The following SATL1 variants were observed in gnomAD, a reference collection of about 807,000 sequenced individuals.
SATL1 encodes spermidine/spermine N1-acetyl transferase like 1.
In SATL1, 47 loss-of-function variants were observed where a neutral mutation model predicts 51.8. That is an observed-to-expected ratio of 0.91 (90% confidence interval 0.72 to 1.16). The LOEUF (loss-of-function observed/expected upper bound fraction) is 1.16, where lower values mean the gene tolerates loss of function less well. Ranked by LOEUF, SATL1 falls within the 50% of genes most tolerant of loss-of-function variation. The probability of loss-of-function intolerance (pLI) is 0.00; values close to 1 mark genes in which losing one functional copy is unlikely to be tolerated. For missense variants in SATL1, 520 were observed against 526.4 expected (o/e 0.99, Z 0.12); for synonymous variants, 176 against 182.4 (o/e 0.97, Z 0.28).
At chrX:85,161,976 G>A (rs964277557) in intron 2 of SATL1, among the ~76,000 whole-genome samples, 1 of 111,914 alleles carries the variant, frequency 8.9e-6, no homozygotes, top group Non-Finnish European at 1.9e-5. Context: ...TCAGACCACA[G>A]TATGATAAAA....
At chrX:85,154,383 C>T (rs770832101) in intron 2 of SATL1, among the ~76,000 whole-genome samples, 1 of 111,823 alleles carries the variant, frequency 8.9e-6, no homozygotes, top group East Asian at 2.8e-4. Context: ...GGGTAAATCT[C>T]TTCACATCAT....
intron 2 of SATL1, among the ~76,000 whole-genome samples, chrX:85,195,298 G>A (rs2147747026): frequency 9.0e-6 from 1 of 111,281 alleles, no homozygotes; most frequent in South Asian, 3.8e-4. Flanking sequence ...GTGGAGTGGT[G>A]GAGGACAGAA....
At chrX:85,178,655 A>C (rs1046633728) in intron 2 of SATL1, among the ~76,000 whole-genome samples, 1 of 110,481 alleles carries the variant, frequency 9.1e-6, no homozygotes, top group Non-Finnish European at 1.9e-5. Flanking sequence ...AACAAAAAAA[A>C]ACAAAAAAAC....
chrX:85,191,328 C>A (rs1468037700), intron 2 of SATL1, among the ~76,000 whole-genome samples: 1 of 111,399 alleles, frequency 9.0e-6, no homozygotes, highest in Non-Finnish European at 1.9e-5. Flanking sequence ...TGTATATGAT[C>A]AAATCAGGGT....
chrX:85,236,780 T>C (rs755518885), intron 1 of SATL1, among the ~76,000 whole-genome samples: 25 of 111,477 alleles, frequency 2.2e-4, no homozygotes, highest in Admixed American at 2.2e-3. Context: ...ATATGGAACA[T>C]GACAAGGATG....
intron 2 of SATL1, among the ~76,000 whole-genome samples, chrX:85,121,450 T>A (rs1925506213): frequency 9.6e-6 from 1 of 104,213 alleles, no homozygotes; most frequent in Non-Finnish European, 1.9e-5. Context: ...AGTATATATA[T>A]AAATATATAT....
intron 3 of SATL1, 99 bp from the exon 4 acceptor site, chrX:85,104,014 C>T (rs1396171232): frequency 4.9e-6 from 3 of 608,214 alleles, no homozygotes; most frequent in African/African-American, 4.5e-5. Context: ...TGACATGTGA[C>T]GTCCTGGGCA....
In SATL1 at chrX:85,204,954, T is replaced by C. The variant is rs753538507; in HGVS notation, c.-313+19251A>G. On this transcript the variant is annotated intron_variant, in intron 2 of 7. Transcript: ENST00000644105. ...TAGTTTGAGTAACAAATTGTGTTTC[T>C]TGTTCTTATTCTTCTTATGAGGGCA... is the stretch of plus-strand genomic sequence containing the variant. Among the ~76,000 whole-genome samples the C allele has an allele frequency of 8.3e-4, 93 of 112,361 alleles. 1 individual carries two copies. The highest frequency in any genetic ancestry group is 2.9e-3 in the African/African-American group (90 of 30,949).
rs192661549 is a variant in SATL1 at position 85,125,765 on chromosome X, C to A, written c.-312-16485G>T. ...TTAAATATATATATATATAGCCAAT[C>A]CATTATTGAATCATTCAATTAAAAT... is the stretch of plus-strand genomic sequence containing the variant. On this transcript the variant is annotated intron_variant, in intron 2 of 7. Transcript: ENST00000644105. Among the ~76,000 whole-genome samples the A allele has an allele frequency of 4.4e-3, 484 of 109,182 alleles. 3 individuals carry two copies. Among genetic ancestry groups the A allele is most frequent in the African/African-American group, 0.015 (463 of 30,118 alleles). 94.8% of individuals were successfully genotyped at this position (109,182 alleles called of 115,157 possible).
chrX:85,238,701 T>C (rs1569252757), intron 1 of SATL1, among the ~76,000 whole-genome samples: 1 of 111,096 alleles, frequency 9.0e-6, no homozygotes, highest in South Asian at 3.8e-4. Context: ...CATTTAGAAA[T>C]AACTAAAAGA....
At chrX:85,146,282 A>G (rs1926236999) in intron 2 of SATL1, among the ~76,000 whole-genome samples, 1 of 111,843 alleles carries the variant, frequency 8.9e-6, no homozygotes, top group Admixed American at 9.5e-5. Context: ...AATTAACAGG[A>G]TGACTACAGC....
At chrX:85,170,749 T>C (rs1312601496) in intron 2 of SATL1, among the ~76,000 whole-genome samples, 1 of 111,533 alleles carries the variant, frequency 9.0e-6, no homozygotes, top group Non-Finnish European at 1.9e-5. Context: ...CTTAAAACAA[T>C]AGTAGTCTTT....
rs2147762407 is a variant in SATL1 at position 85,224,244 on chromosome X, T to G, written c.-352A>C. On this transcript the variant is annotated 5_prime_UTR_variant, in exon 2 of 8. Coordinates refer to ENST00000644105, the MANE Select transcript of SATL1 (RefSeq NM_001367857.2). ...GATGGCTTCGGTATTTCTTGGCTTG[T>G]AGCCACACCACTGTGATCTCTGCCT... The G allele has an allele frequency of 8.9e-6, 1 of 111,853 alleles. No individual in the cohort carries two copies. Among genetic ancestry groups the G allele is most frequent in the South Asian group, 3.8e-4 (1 of 2,644 alleles). 9.2% of individuals were successfully genotyped at this position (111,853 alleles called of 1,213,427 possible).
At chrX:85,119,472 CATTT>C (rs768718526) in intron 2 of SATL1, among the ~76,000 whole-genome samples, 1 of 111,956 alleles carries the variant, frequency 8.9e-6, no homozygotes, top group East Asian at 2.8e-4. Flanking sequence ...TATATGTTTT[CATTT>C]ATTTAACCAA....
chrX:85,222,890 A>G (rs1928202496), intron 2 of SATL1, among the ~76,000 whole-genome samples: 1 of 112,112 alleles, frequency 8.9e-6, no homozygotes, highest in Non-Finnish European at 1.9e-5. Context: ...GAATTCTTAA[A>G]AAATGAAATA....
chrX:85,238,253 T>C (rs753198474), intron 1 of SATL1, among the ~76,000 whole-genome samples: 1 of 111,875 alleles, frequency 8.9e-6, no homozygotes, highest in Non-Finnish European at 1.9e-5. Flanking sequence ...AAGAGGTATC[T>C]GCATTCCCAT....
rs190707424 is a variant in SATL1 at position 85,145,825 on chromosome X, C to T, written c.-312-36545G>A. Among the ~76,000 whole-genome samples, 5 of 111,463 alleles carry T rather than the reference C, an allele frequency of 4.5e-5. No individual in the cohort carries two copies. In the East Asian group the frequency reaches 8.5e-4, roughly 19 times the overall value. On this transcript the variant is annotated intron_variant, in intron 2 of 7. Transcript: ENST00000644105. ...GTGGTTTCAGTTACCTGTGGTACCA[C>T]GATCTGAACATACTACATACAGTAA...
At chrX:85,189,165 CTTCTA>C (rs1927379893) in intron 2 of SATL1, among the ~76,000 whole-genome samples, 1 of 111,777 alleles carries the variant, frequency 8.9e-6, no homozygotes, top group African/African-American at 3.3e-5. Flanking sequence ...TTAAAATTTT[CTTCTA>C]CCCCTGGTTA....
intron 2 of SATL1, among the ~76,000 whole-genome samples, chrX:85,133,145 C>A (rs1298610577): frequency 8.9e-6 from 1 of 112,035 alleles, no homozygotes; most frequent in African/African-American, 3.2e-5. Context: ...TCTGTCCATT[C>A]TCAGAGCTCA....
Sources: gnomAD v4.1 joint callset for allele counts (sites outside exome capture counted in the v4.1 genomes callset) on GRCh38, gnomAD v4.1.1 for gene constraint, MANE v1.5 for transcripts, NCBI Gene and HGNC (gene_info 2026-07-23, HGNC 2026-07-21) for gene names.